The following NPAS3 variants were observed in gnomAD, a reference collection of about 807,000 sequenced individuals.
NPAS3 encodes neuronal PAS domain protein 3.
In NPAS3, 14 loss-of-function variants were observed where a neutral mutation model predicts 73.1. The observed-to-expected ratio is 0.19, with a 90% confidence interval of 0.13 to 0.30. NPAS3 has a LOEUF of 0.30. Ranked by LOEUF, NPAS3 falls within the 10% of genes least tolerant of loss-of-function variation. NPAS3 has a pLI of 1.00. For synonymous variants in NPAS3, 620 were observed against 541.5 expected (o/e 1.14, Z -2.01); for missense variants, 1,096 against 1,250.0 (o/e 0.88, Z 1.86).
At chr14:33,174,220 C>G (rs1245376631) in intron 2 of NPAS3, among the ~76,000 whole-genome samples, 1 of 152,164 alleles carries the variant, frequency 6.6e-6, no homozygotes, top group Non-Finnish European at 1.5e-5. Context: ...CCATCTATGA[C>G]TTATCCTATA....
intron 4 of NPAS3, among the ~76,000 whole-genome samples, chr14:33,424,156 T>G (rs1394406596): frequency 6.6e-6 from 1 of 152,014 alleles, no homozygotes. Context: ...TATGATTTCC[T>G]TGAGAAAGTG....
intron 4 of NPAS3, among the ~76,000 whole-genome samples, chr14:33,461,571 G>T (rs2050266811): frequency 6.6e-6 from 1 of 152,184 alleles, no homozygotes. Flanking sequence ...GGGCATGAGG[G>T]AAGATTTCAT....
intron 2 of NPAS3, among the ~76,000 whole-genome samples, chr14:33,200,021 C>CA (rs2046554243): frequency 7.1e-6 from 1 of 141,458 alleles, no homozygotes; most frequent in Admixed American, 7.6e-5. Flanking sequence ...GAGGGGACTA[C>CA]ATTTGACTCA....
chr14:32,955,695 CAG>C (rs1443743383), intron 1 of NPAS3, among the ~76,000 whole-genome samples: 8 of 152,176 alleles, frequency 5.3e-5, no homozygotes, highest in African/African-American at 1.9e-4. Flanking sequence ...CTTCTTGGAA[CAG>C]AGTTAGAAAA....
chr14:33,075,773 T>G (rs2041638109), intron 2 of NPAS3, among the ~76,000 whole-genome samples: 1 of 152,252 alleles, frequency 6.6e-6, no homozygotes, highest in Non-Finnish European at 1.5e-5. Context: ...ATGTTAAAAT[T>G]TAGGAAATCT....
At chr14:33,340,736 G>A (rs960157287) in intron 3 of NPAS3, among the ~76,000 whole-genome samples, 12 of 152,250 alleles carry the variant, frequency 7.9e-5, no homozygotes, top group African/African-American at 2.6e-4. Flanking sequence ...ATGCTAATGG[G>A]TTGTTTCTAC....
At chr14:33,557,388 T>C (rs1041401398) in intron 4 of NPAS3, among the ~76,000 whole-genome samples, 6 of 152,346 alleles carry the variant, frequency 3.9e-5, no homozygotes, top group Middle Eastern at 6.8e-3. Context: ...CTCTGTCTTC[T>C]ACCCACAATG....
intron 7 of NPAS3, among the ~76,000 whole-genome samples, chr14:33,772,472 C>T (rs946747870): frequency 3.9e-5 from 6 of 152,190 alleles, no homozygotes; most frequent in African/African-American, 1.4e-4. Context: ...CAAATGTTTT[C>T]CAACCCAGAC....
chr14:33,790,719 A>G (rs1404449954), intron 9 of NPAS3, among the ~76,000 whole-genome samples: 1 of 151,956 alleles, frequency 6.6e-6, no homozygotes, highest in African/African-American at 2.4e-5. Context: ...CCCAGGCTGG[A>G]GTTCAGTGGT....
rs1240983216 is a variant in NPAS3, at chr14:33,747,433, C to CA, written c.852+12102dup. Among the ~76,000 whole-genome samples the CA allele has an allele frequency of 3.9e-5, 6 of 152,306 alleles. No individual in the cohort carries two copies. The East Asian group carries it at 1.2e-3, about 29-fold the overall frequency. ...TGATAGCTCCGTTGTAGTGACTTTC[C>CA]AGGGCACAAGGGACCAATTTTATCT... On this transcript the variant is annotated intron_variant, in intron 7 of 11. Coordinates refer to ENST00000356141, the Ensembl canonical transcript of NPAS3.
intron 3 of NPAS3, among the ~76,000 whole-genome samples, chr14:33,350,263 G>T (rs536493661): frequency 8.3e-4 from 127 of 152,308 alleles, no homozygotes; most frequent in South Asian, 2.3e-3. Flanking sequence ...CATGGAGAGT[G>T]TAAGACCAGG....
At chr14:33,360,474 G>A (rs990762337) in intron 3 of NPAS3, among the ~76,000 whole-genome samples, 1 of 152,172 alleles carries the variant, frequency 6.6e-6, no homozygotes, top group African/African-American at 2.4e-5. Flanking sequence ...TAAAGAAAAA[G>A]AGGAAATTCT....
At position 33,534,763 on chromosome 14, in the gene NPAS3, C is replaced by T. The variant is rs568591065; in HGVS notation, c.469-25358C>T. On this transcript the variant is annotated intron_variant, in intron 4 of 11. Coordinates refer to ENST00000356141, the Ensembl canonical transcript of NPAS3. ...TGAAGTTTCCACCGTGACCACACAG[C>T]GTGCACTCTGATGAGACTTTGGAAT... Among the ~76,000 whole-genome samples, 85 of 152,200 alleles carry T rather than the reference C, an allele frequency of 5.6e-4. 2 individuals carry two copies. The South Asian group carries it at 9.8e-3, about 18-fold the overall frequency.
chr14:32,963,614 CA>C (rs2037024362), intron 1 of NPAS3, among the ~76,000 whole-genome samples: 1 of 152,224 alleles, frequency 6.6e-6, no homozygotes, highest in Non-Finnish European at 1.5e-5. Context: ...TTCCCCTGGA[CA>C]AATAATCCAA....
At chr14:33,680,779 T>G in intron 6 of NPAS3, 1 of 620,528 alleles carries the variant, frequency 1.6e-6, no homozygotes. Flanking sequence ...TTAGACAATT[T>G]AGCAAAATGC....
At chr14:33,297,446 T>A (rs1451187928) in intron 3 of NPAS3, among the ~76,000 whole-genome samples, 1 of 152,046 alleles carries the variant, frequency 6.6e-6, no homozygotes, top group Non-Finnish European at 1.5e-5. Context: ...GTTCCCATAA[T>A]GAAAAAAGGG....
At chr14:33,143,862 T>C (rs2044147035) in intron 2 of NPAS3, among the ~76,000 whole-genome samples, 1 of 152,228 alleles carries the variant, frequency 6.6e-6, no homozygotes, top group Admixed American at 6.5e-5. Context: ...CCTAATGTTT[T>C]TGAGGTTCAT....
At chr14:33,566,161 T>C (rs1359192435) in intron 5 of NPAS3, among the ~76,000 whole-genome samples, 6 of 152,082 alleles carry the variant, frequency 3.9e-5, no homozygotes, top group African/African-American at 1.2e-4. Flanking sequence ...GATAAATGCT[T>C]GGTGGTGAAG....
At chr14:33,237,395 A>C (rs945822550) in intron 3 of NPAS3, among the ~76,000 whole-genome samples, 24 of 152,218 alleles carry the variant, frequency 1.6e-4, no homozygotes, top group African/African-American at 5.5e-4. Flanking sequence ...CACATTCTTG[A>C]CTGAATAATG....
Sources: gnomAD v4.1 joint callset for allele counts (sites outside exome capture counted in the v4.1 genomes callset) on GRCh38, gnomAD v4.1.1 for gene constraint, MANE v1.5 for transcripts, NCBI Gene and HGNC (gene_info 2026-07-23, HGNC 2026-07-21) for gene names.